Variants in UNC80 observed in about 807,000 individuals in gnomAD.
The protein encoded by UNC80 is protein unc-80 homolog.
UNC80 carries 164 observed loss-of-function variants against 384.6 expected under a neutral mutation model. The ratio of observed to expected loss-of-function variants is 0.43; its 90% CI spans 0.38 to 0.49. UNC80 has a LOEUF of 0.49. UNC80 is among the 20% of genes least tolerant of loss of function. The pLI, the probability that UNC80 is intolerant of heterozygous loss-of-function variation, is 0.00. For synonymous variants in UNC80, 1,486 were observed against 1,527.8 expected, an observed-to-expected ratio of 0.97 and a Z score of 0.64; for missense variants, 3,330 against 4,143.0, an observed-to-expected ratio of 0.80 and a Z score of 5.39.
At chr2:209,891,933 CG>C (rs1559276883) in intron 26 of UNC80, among the ~76,000 whole-genome samples, 2 of 152,058 alleles carry the variant, frequency 1.3e-5, no homozygotes, top group Non-Finnish European at 2.9e-5. Context: ...GAAATAAACA[CG>C]CTGAGGACAA....
chr2:209,793,984 T>C (rs2078000257), intron 7 of UNC80, 125 bp downstream of exon 7: 5 of 1,137,514 alleles, frequency 4.4e-6, no homozygotes, highest in Middle Eastern at 4.4e-4. Context: ...TGTATACATA[T>C]TCTTGGTCAA....
chr2:209,878,115 A>G, intron 24 of UNC80, 26 bp downstream of exon 24: 1 of 1,504,690 alleles, frequency 6.6e-7, no homozygotes, highest in South Asian at 1.3e-5. Flanking sequence ...TTACTACAAG[A>G]ACCCCTGCTT....
intron 48 of UNC80, among the ~76,000 whole-genome samples, chr2:209,955,756 C>G (rs1219218352): frequency 0.082 from 9,960 of 121,192 alleles, 1,199 homozygotes; most frequent in African/African-American, 0.22. Context: ...CACACACACA[C>G]ACAGAGAGAG....
chr2:209,977,005 G>T lies in UNC80; in HGVS notation c.8865G>T (p.Leu2955Phe), dbSNP rs772743904. 3 of 1,539,142 alleles carry T rather than the reference G, an allele frequency of 1.9e-6. No individual in the cohort carries two copies. In the South Asian group the frequency reaches 3.6e-5, roughly 18 times the overall value. ...AGCGGCGCTTCATACCACGCCCTTTGTGTAAGAGCTCGCTCATTGCTGAGT... is the reference window on the plus strand; with the variant it reads ...AGCGGCGCTTCATACCACGCCCTTTTTGTAAGAGCTCGCTCATTGCTGAGT... Reference protein sequence around the residue: ...QLERRFIPRPLCKSSLIAEFN... With the variant: ...QLERRFIPRPFCKSSLIAEFN... Residue 2955 changes from leucine (L) to phenylalanine (F), a missense_variant, in exon 58 of 65, where the codon TTG (leucine) becomes TTT (phenylalanine). Around this residue, in one of 8 missense-constraint regions of UNC80, gnomAD observed 216 missense variants for 245.3 expected, o/e 0.88. Transcript: ENST00000673920.
chr2:209,962,230 TTCAGG>T (rs2092615511), intron 51 of UNC80, among the ~76,000 whole-genome samples: 1 of 152,146 alleles, frequency 6.6e-6, no homozygotes, highest in African/African-American at 2.4e-5. Flanking sequence ...TATGGCTGGC[TTCAGG>T]AAAAAAGGTT....
intron 59 of UNC80, among the ~76,000 whole-genome samples, chr2:209,980,471 TTA>T (rs2093131076): frequency 6.6e-6 from 1 of 152,200 alleles, no homozygotes; most frequent in South Asian, 2.1e-4. Flanking sequence ...AATTTTTTGC[TTA>T]TATCTCTGAT....
intron 29 of UNC80, among the ~76,000 whole-genome samples, chr2:209,906,942 A>G (rs1394482669): frequency 1.3e-5 from 2 of 152,176 alleles, no homozygotes; most frequent in South Asian, 2.1e-4. Flanking sequence ...TTCTCCATAC[A>G]CACTTCAGAA....
chr2:209,951,318 G>A (rs1042624579), intron 47 of UNC80: 5 of 149,472 alleles, frequency 3.3e-5, no homozygotes, highest in African/African-American at 1.3e-4. Context: ...TCTCTTTTGA[G>A]ATGGAATCTC....
chr2:209,933,778 G>A lies in UNC80; in HGVS notation c.5995-44G>A, dbSNP rs375989098. 4.1e-4 allele frequency: 599 copies of A among 1,475,984 alleles called. 2 individuals are homozygous for A. In the African/African-American group the frequency reaches 7.3e-3, roughly 18 times the overall value. The allele number at this position is 1,475,984 out of a possible 1,614,324, so 91.4% of individuals were successfully genotyped here. A position where few individuals can be genotyped will look rare whatever the true frequency, so the allele number is the denominator to read the frequency against. On this transcript the variant is annotated intron_variant, in intron 38 of 64. Transcript: ENST00000673920. ...GCTAAGGAAATGAGAATGTGAGCTC[G>A]GGATTATTGTAGCTTTGTGAACTCT...
intron 25 of UNC80, among the ~76,000 whole-genome samples, chr2:209,884,525 CT>C (rs1405066488): frequency 6.6e-6 from 1 of 152,146 alleles, no homozygotes; most frequent in Non-Finnish European, 1.5e-5. Context: ...GGACCCTTTC[CT>C]TACACCTTAT....
intron 20 of UNC80, among the ~76,000 whole-genome samples, chr2:209,841,174 C>T (rs1056579654): frequency 1.3e-5 from 2 of 152,162 alleles, no homozygotes; most frequent in Non-Finnish European, 1.5e-5. Flanking sequence ...TGAGAGTCCA[C>T]CCTGTGGTTG....
intron 58 of UNC80, among the ~76,000 whole-genome samples, 178 bp from the exon 59 acceptor site, chr2:209,978,351 T>C (rs1443436084): frequency 1.3e-5 from 2 of 152,218 alleles, no homozygotes; most frequent in Admixed American, 6.5e-5. Flanking sequence ...GTGGCCAATA[T>C]TGATTCTTTA....
chr2:209,802,483 A>C (rs1453450209), intron 7 of UNC80, among the ~76,000 whole-genome samples: 1 of 152,184 alleles, frequency 6.6e-6, no homozygotes. Context: ...AGTAATATGG[A>C]AGGAACTCTG....
Position 209,906,740 on chromosome 2 carries a change from C to T in UNC80, c.4782+1775C>T, listed in dbSNP as rs572316224. 2.0e-3 allele frequency among the ~76,000 whole-genome samples: 299 copies of T among 152,066 alleles called. 2 individuals carry two copies. The highest frequency in any genetic ancestry group is 3.3e-3 in the Non-Finnish European group (224 of 67,988). On this transcript the variant is annotated intron_variant, in intron 29 of 64. Coordinates refer to ENST00000673920, the MANE Select transcript of UNC80 (RefSeq NM_001371986.1). ...GACATAAAAAGAAAAAAAGTAAATA[C>T]GTTTGTGTGTGCATACATGTATATG...
rs2093474083 is a variant in UNC80, at chr2:209,995,714, G to T, written c.*119G>T. ...CAAAATAGCACTTTACTTCTAATGG[G>T]TGGCACAAATCTGAATAGGTTTTGC... On this transcript the variant is annotated 3_prime_UTR_variant, in exon 65 of 65. Transcript: ENST00000673920. The T allele has an allele frequency of 3.3e-6, 4 of 1,228,020 alleles. No individual in the cohort carries two copies. Among genetic ancestry groups the T allele is most frequent in the South Asian group, 3.1e-5 (2 of 63,528 alleles). 76.1% of individuals were successfully genotyped at this position (1,228,020 alleles called of 1,614,324 possible).
chr2:209,926,881 G>C lies in UNC80; in HGVS notation c.5701G>C (p.Val1901Leu), dbSNP rs1271722606. 1.9e-6 allele frequency: 3 copies of C among 1,552,104 alleles called. No homozygotes were observed. The highest frequency in any genetic ancestry group is 2.6e-6 in the Non-Finnish European group (3 of 1,147,102). ...HTTEHTPNHHVPQPPQAVFPA... is the reference protein window; with the variant it reads ...HTTEHTPNHHLPQPPQAVFPA... ...CACTGAACACACGCCGAACCACCAT[G>C]TGCCTCAGCCCCCACAAGCAGTGTT... The change falls in exon 36 of 65, where the codon GTG becomes CTG. Residue 1901 changes from valine (V) to leucine (L), a missense_variant. Val to Leu is a conservative substitution (Grantham distance 32). Transcript: ENST00000673920.
chr2:209,936,947 A>G lies in UNC80; in HGVS notation c.6363+14A>G, dbSNP rs2091288103. The G allele has an allele frequency of 1.3e-6, 2 of 1,509,114 alleles. No individual in the cohort carries two copies. The highest frequency in any genetic ancestry group is 1.8e-6 in the Non-Finnish European group (2 of 1,108,456). 93.5% of individuals were successfully genotyped at this position (1,509,114 alleles called of 1,614,324 possible). A position where few individuals can be genotyped will look rare whatever the true frequency, so the allele number is the denominator to read the frequency against. On this transcript the variant is annotated intron_variant, in intron 41 of 64. Transcript: ENST00000673920. ...CACTACAATAAGGTGAGACACCAGT[A>G]GTGACATCCCCGTTGAGTTGTGCCA...
chr2:209,960,218 CT>C, intron 51 of UNC80, among the ~76,000 whole-genome samples: 1 of 152,284 alleles, frequency 6.6e-6, no homozygotes, highest in African/African-American at 2.4e-5. Flanking sequence ...TATAAACAGC[CT>C]TCCAACCGTT....
chr2:209,971,640 C>G (rs1197794164), intron 54 of UNC80, among the ~76,000 whole-genome samples: 2 of 152,116 alleles, frequency 1.3e-5, no homozygotes, highest in Non-Finnish European at 2.9e-5. Context: ...GGCTCATCAT[C>G]CAGAGAATGG....
Sources: allele counts gnomAD v4.1 joint callset (sites outside exome capture counted in the v4.1 genomes callset), GRCh38; gene constraint gnomAD v4.1.1; regional missense constraint gnomAD v4.1.1; transcripts MANE v1.5; gene names NCBI Gene and HGNC (gene_info 2026-07-23, HGNC 2026-07-21).